ABCA8: variants seen among roughly 807,000 people sequenced by gnomAD.
The protein encoded by ABCA8 is ABC-type organic anion transporter ABCA8.
In ABCA8, 177 loss-of-function variants were observed where a neutral mutation model predicts 192.3. That is an observed-to-expected ratio of 0.92 (90% CI 0.81 to 1.04). The LOEUF (loss-of-function observed/expected upper bound fraction) is 1.04, where lower values mean the gene tolerates loss of function less well. Among genes scored for constraint, ABCA8 ranks in the 50% least tolerant of loss-of-function variants. The pLI, the probability that ABCA8 is intolerant of heterozygous loss-of-function variation, is 0.00. For synonymous variants in ABCA8, 642 were observed against 690.2 expected (o/e 0.93, Z 1.09); for missense variants, 1,915 against 1,904.8 (o/e 1.01, Z -0.10).
At chr17:68,906,642 A>G (rs913281734) in intron 18 of ABCA8, among the ~76,000 whole-genome samples, 2 of 152,192 alleles carry the variant, frequency 1.3e-5, no homozygotes, top group Admixed American at 6.5e-5. Context: ...AAGAGAAGAC[A>G]TAGAATATAA....
intron 29 of ABCA8, among the ~76,000 whole-genome samples, 163 bp downstream of exon 29, chr17:68,883,628 T>C (rs895757535): frequency 1.3e-5 from 2 of 152,252 alleles, no homozygotes; most frequent in Non-Finnish European, 2.9e-5. Context: ...CATAATCTTC[T>C]TGGGTTTAGG....
intron 21 of ABCA8, among the ~76,000 whole-genome samples, chr17:68,895,785 T>A (rs1189873094): frequency 6.6e-6 from 1 of 152,150 alleles, no homozygotes; most frequent in Non-Finnish European, 1.5e-5. Flanking sequence ...AGAAGATCAA[T>A]ACCAGGCAAG....
At chr17:68,895,492 A>C (rs1219568479) in intron 21 of ABCA8, among the ~76,000 whole-genome samples, 1 of 152,188 alleles carries the variant, frequency 6.6e-6, no homozygotes, top group African/African-American at 2.4e-5. Flanking sequence ...CAACAAATTA[A>C]AATGTTTTGA....
At chr17:68,879,257 C>T (rs2066276973) in intron 32 of ABCA8, 1 of 152,182 alleles carries the variant, frequency 6.6e-6, no homozygotes, top group Non-Finnish European at 1.5e-5. Context: ...TTGTGAAGGA[C>T]AACTGTCTAA....
chr17:68,900,326 A>G (rs958751399), intron 21 of ABCA8, among the ~76,000 whole-genome samples: 1 of 152,106 alleles, frequency 6.6e-6, no homozygotes, highest in Admixed American at 6.5e-5. Flanking sequence ...GTAACAACAA[A>G]TTAGATAATA....
At chr17:68,882,327 C>T (rs905890928) in intron 30 of ABCA8, among the ~76,000 whole-genome samples, 1 of 152,226 alleles carries the variant, frequency 6.6e-6, no homozygotes, top group East Asian at 1.9e-4. Flanking sequence ...TGAATTTGTA[C>T]TGTGCACTTT....
chr17:68,944,889 A>T (rs1024804549), intron 2 of ABCA8: 1 of 152,274 alleles, frequency 6.6e-6, no homozygotes, highest in Non-Finnish European at 1.5e-5. Context: ...CAGGTCCAGA[A>T]CCTCTCAACA....
chr17:68,947,634 A>G (rs75437850), intron 2 of ABCA8, among the ~76,000 whole-genome samples: 10,192 of 152,262 alleles, frequency 0.067, 1,137 homozygotes, highest in African/African-American at 0.23. Flanking sequence ...AATTAATTAA[A>G]TATGACTGGT....
chr17:68,884,691 C>T (rs1461514173), intron 27 of ABCA8: 2 of 1,105,682 alleles, frequency 1.8e-6, no homozygotes, highest in African/African-American at 1.6e-5. Flanking sequence ...CACAGAACTT[C>T]ACATACCTTC....
At chr17:68,894,622 T>C (rs949462791) in intron 22 of ABCA8, among the ~76,000 whole-genome samples, 3 of 152,180 alleles carry the variant, frequency 2.0e-5, no homozygotes, top group Non-Finnish European at 4.4e-5. Context: ...TATAAAATCC[T>C]TGAGGGGAAA....
rs1044930317 is a variant in ABCA8 at position 68,875,188 on chromosome 17, A to G, written c.4631+72T>C. 1.8e-5 allele frequency: 29 copies of G among 1,577,716 alleles called. No individual in the cohort carries two copies. The Middle Eastern group carries it at 7.0e-4, about 38-fold the overall frequency. On this transcript the variant is annotated intron_variant, in intron 37 of 39. Coordinates refer to ENST00000586539, the MANE Select transcript of ABCA8 (RefSeq NM_001288985.2). ...TTCTTTTAGGTTTTCCTTTTGAATGACTATCACTCAACATAACTGACAAGT... is the reference window on the plus strand; with the variant it reads ...TTCTTTTAGGTTTTCCTTTTGAATGGCTATCACTCAACATAACTGACAAGT...
intron 17 of ABCA8, among the ~76,000 whole-genome samples, 158 bp from the exon 18 acceptor site, chr17:68,908,037 G>T (rs1362406078): frequency 1.3e-5 from 2 of 151,986 alleles, no homozygotes; most frequent in Non-Finnish European, 2.9e-5. Context: ...AAAAACCCAA[G>T]AAATAAGAGG....
At chr17:68,891,637 T>G in intron 23 of ABCA8, 41 bp from the exon 24 acceptor site, 5 of 1,445,500 alleles carry the variant, frequency 3.5e-6, no homozygotes, top group Non-Finnish European at 4.8e-6. Flanking sequence ...ATGAAGAAAT[T>G]TAAAGTTAAT....
intron 24 of ABCA8, among the ~76,000 whole-genome samples, chr17:68,887,894 A>ATATATATATATATATAT (rs1555607357): frequency 9.1e-5 from 4 of 43,822 alleles, no homozygotes; most frequent in African/African-American, 4.9e-4. Flanking sequence ...ATATATATAT[A>ATATATATATATATATAT]TATATATATA....
chr17:68,929,564 A>G lies in ABCA8; in HGVS notation c.936T>C (p.Ser312=). 1 of 1,611,306 alleles carries G rather than the reference A, an allele frequency of 6.2e-7. No individual in the cohort carries two copies. The highest frequency in any genetic ancestry group is 8.5e-7 in the Non-Finnish European group (1 of 1,179,196). ...GATATTTAATTCACTAACTCACCAA[A>G]GATAATCCATACAGGAGAAAGAGGC... ...VFSLFLLYGL[S]LVALAFLMSI... Residue 312 remains serine, a synonymous_variant, in exon 8 of 40, where the codon TCT becomes TCC. Transcript: ENST00000586539.
intron 20 of ABCA8, 33 bp downstream of exon 20, chr17:68,903,268 A>T (rs1235251542): frequency 1.9e-6 from 3 of 1,609,074 alleles, no homozygotes; most frequent in Non-Finnish European, 8.5e-7. Context: ...GCATTGACTT[A>T]AAAAGAAAAC....
At chr17:68,904,650 C>T (rs1220882781) in intron 19 of ABCA8, among the ~76,000 whole-genome samples, 2 of 152,118 alleles carry the variant, frequency 1.3e-5, no homozygotes, top group Admixed American at 1.3e-4. Context: ...CATGGGGTAC[C>T]TAAGTCACAA....
intron 31 of ABCA8, 120 bp downstream of exon 31, chr17:68,881,743 T>G: frequency 1.4e-6 from 1 of 713,126 alleles, no homozygotes; most frequent in Non-Finnish European, 2.5e-6. Flanking sequence ...AAGCTGTCAT[T>G]GTCATTCTCC....
intron 17 of ABCA8, among the ~76,000 whole-genome samples, chr17:68,917,062 G>A (rs977475931): frequency 1.2e-4 from 18 of 152,104 alleles, no homozygotes; most frequent in African/African-American, 4.1e-4. Flanking sequence ...GAGGTCAGGA[G>A]ATCGAGACCA....
Sources: allele counts gnomAD v4.1 joint callset (sites outside exome capture counted in the v4.1 genomes callset), GRCh38; gene constraint gnomAD v4.1.1; transcripts MANE v1.5; gene names NCBI Gene and HGNC (gene_info 2026-07-23, HGNC 2026-07-21).